The following LDB2 variants were observed in gnomAD, a reference collection of about 807,000 sequenced individuals.
LDB2 encodes the protein LIM domain binding 2, also known as LIM domain-binding protein 2.
A neutral mutation model predicts 44.3 loss-of-function variants in LDB2; 12 were observed. The observed-to-expected ratio is 0.27, with a 90% CI of 0.17 to 0.44. The LOEUF (loss-of-function observed/expected upper bound fraction) is 0.44, where lower values mean the gene tolerates loss of function less well. LDB2 is among the 20% of genes least tolerant of loss of function. The probability of loss-of-function intolerance (pLI) is 1.00; values close to 1 mark genes in which losing one functional copy is unlikely to be tolerated. For synonymous variants in LDB2, 164 were observed against 174.8 expected (o/e 0.94, Z 0.49); for missense variants, 344 against 473.5 (o/e 0.73, Z 2.54).
At chr4:16,650,970 G>A (rs945618703) in intron 2 of LDB2, among the ~76,000 whole-genome samples, 1 of 152,158 alleles carries the variant, frequency 6.6e-6, no homozygotes, top group Non-Finnish European at 1.5e-5. Context: ...TATCATGTGT[G>A]GGGGAAATTC....
At chr4:16,739,676 G>GTGTGTATATATGTATATATACATA (rs1762742551) in intron 2 of LDB2, among the ~76,000 whole-genome samples, 1 of 52,200 alleles carries the variant, frequency 1.9e-5, no homozygotes, top group Admixed American at 2.0e-4. Context: ...ATATACATAT[G>GTGTGTATATATGTATATATACATA]TGTGTATATA....
At chr4:16,567,702 G>A (rs1216067707) in intron 5 of LDB2, among the ~76,000 whole-genome samples, 6 of 152,134 alleles carry the variant, frequency 3.9e-5, no homozygotes, top group Admixed American at 2.0e-4. Flanking sequence ...CCCGGGAGGC[G>A]AAGCTTGCAG....
intron 5 of LDB2, among the ~76,000 whole-genome samples, chr4:16,518,730 T>C (rs1333161959): frequency 1.3e-5 from 2 of 152,226 alleles, no homozygotes; most frequent in Non-Finnish European, 2.9e-5. Flanking sequence ...TGGCTGCAAA[T>C]GACTTGTTAC....
intron 4 of LDB2, among the ~76,000 whole-genome samples, chr4:16,586,433 T>C (rs554854186): frequency 1.3e-5 from 2 of 150,976 alleles, no homozygotes; most frequent in African/African-American, 4.9e-5. Context: ...GCGGTGGTGT[T>C]TTTACAGCTT....
chr4:16,814,765 T>C (rs115381057), intron 1 of LDB2, among the ~76,000 whole-genome samples: 46 of 152,286 alleles, frequency 3.0e-4, no homozygotes, highest in Admixed American at 2.8e-3. Context: ...AAAGGGGATA[T>C]GACAAAGTGC....
At chr4:16,896,581 C>T (rs148525936) in intron 1 of LDB2, among the ~76,000 whole-genome samples, 14 of 152,276 alleles carry the variant, frequency 9.2e-5, no homozygotes, top group Non-Finnish European at 1.8e-4. Context: ...CAAAAACTTT[C>T]TAAAATGTAA....
At chr4:16,732,360 C>T (rs1464445870) in intron 2 of LDB2, among the ~76,000 whole-genome samples, 1 of 152,168 alleles carries the variant, frequency 6.6e-6, no homozygotes, top group Non-Finnish European at 1.5e-5. Flanking sequence ...TGCAGAGCTC[C>T]AAATGTTACT....
At chr4:16,873,960 G>C (rs1297223475) in intron 1 of LDB2, among the ~76,000 whole-genome samples, 2 of 152,094 alleles carry the variant, frequency 1.3e-5, no homozygotes, top group African/African-American at 2.4e-5. Context: ...TGTTTTTGAG[G>C]CTCGTCCACG....
intron 2 of LDB2, among the ~76,000 whole-genome samples, chr4:16,662,851 C>T (rs752928010): frequency 2.6e-5 from 4 of 151,816 alleles, no homozygotes; most frequent in Admixed American, 1.3e-4. Flanking sequence ...TACAAATTAC[C>T]GTCTCGGGGG....
chr4:16,896,374 A>C (rs1725002802), intron 1 of LDB2, among the ~76,000 whole-genome samples: 1 of 152,134 alleles, frequency 6.6e-6, no homozygotes, highest in Admixed American at 6.5e-5. Context: ...CTTGTCTCAA[A>C]TGGGAAACAA....
chr4:16,635,432 G>C (rs146803060), intron 2 of LDB2, among the ~76,000 whole-genome samples: 217 of 151,666 alleles, frequency 1.4e-3, no homozygotes, highest in African/African-American at 4.9e-3. Flanking sequence ...GGATTCTGGA[G>C]CCAAGACAAG....
intron 1 of LDB2, among the ~76,000 whole-genome samples, chr4:16,788,064 C>T (rs1281187098): frequency 6.6e-6 from 1 of 152,178 alleles, no homozygotes; most frequent in African/African-American, 2.4e-5. Flanking sequence ...AGAAGTCGAT[C>T]CTCCCCCCCC....
intron 5 of LDB2, among the ~76,000 whole-genome samples, chr4:16,557,419 G>C (rs1156416690): frequency 2.0e-5 from 3 of 152,228 alleles, no homozygotes; most frequent in Non-Finnish European, 2.9e-5. Context: ...CCCGCACCTG[G>C]CTCGGAGGGT....
rs570693874 is a variant in LDB2 at position 16,627,732 on chromosome 4, G to C, written c.236-31857C>G. Among the ~76,000 whole-genome samples the C allele has an allele frequency of 9.2e-5, 14 of 152,336 alleles. No homozygotes were observed. In the South Asian group the frequency reaches 2.9e-3, roughly 32 times the overall value. ...CTTGTGAAATCGCTTCTCTTTGTGTGTTGGCTGAATTTAGTGACCTGCTTC... is the reference window on the plus strand; with the variant it reads ...CTTGTGAAATCGCTTCTCTTTGTGTCTTGGCTGAATTTAGTGACCTGCTTC... On this transcript the variant is annotated intron_variant, in intron 2 of 7. Transcript: ENST00000304523.
rs1473544175 is a variant in LDB2 at position 16,856,960 on chromosome 4, T to A, written c.132+41394A>T. ...TTGATCTGGTTTGTGTCTTTCCTTA[T>A]ACAGATTCCTCAAAATTAAGTAGTT... is the stretch of plus-strand genomic sequence containing the variant. On this transcript the variant is annotated intron_variant, in intron 1 of 7. Coordinates refer to ENST00000304523, the MANE Select transcript of LDB2 (RefSeq NM_001290.5). 2.6e-5 allele frequency among the ~76,000 whole-genome samples: 4 copies of A among 152,354 alleles called. No homozygotes were observed. In the East Asian group the frequency reaches 7.7e-4, roughly 29 times the overall value.
intron 1 of LDB2, among the ~76,000 whole-genome samples, chr4:16,866,140 T>G (rs1714628041): frequency 6.6e-6 from 1 of 152,194 alleles, no homozygotes; most frequent in Admixed American, 6.5e-5. Context: ...GGAATGTGAT[T>G]GTGCAGATTT....
intron 2 of LDB2, among the ~76,000 whole-genome samples, chr4:16,756,555 C>T (rs1766693656): frequency 6.6e-6 from 1 of 152,320 alleles, no homozygotes; most frequent in Non-Finnish European, 1.5e-5. Context: ...CCAAAGATCT[C>T]AGTAAAGGAT....
At chr4:16,592,287 A>G (rs1264982065) in intron 3 of LDB2, among the ~76,000 whole-genome samples, 2 of 152,048 alleles carry the variant, frequency 1.3e-5, no homozygotes, top group East Asian at 3.8e-4. Context: ...TGATTCTCAT[A>G]TAGCTTCGAT....
chr4:16,564,510 A>G (rs1344407775), intron 5 of LDB2, among the ~76,000 whole-genome samples: 1 of 152,252 alleles, frequency 6.6e-6, no homozygotes, highest in Non-Finnish European at 1.5e-5. Context: ...GCTAAAATGC[A>G]GAAGGCATCA....
Sources: gnomAD v4.1 joint callset for allele counts (sites outside exome capture counted in the v4.1 genomes callset) on GRCh38, gnomAD v4.1.1 for gene constraint, MANE v1.5 for transcripts, NCBI Gene and HGNC (gene_info 2026-07-23, HGNC 2026-07-21) for gene names.